COL22A1: variants seen among roughly 807,000 people sequenced by gnomAD.
The protein encoded by COL22A1 is collagen alpha-1(XXII) chain.
A neutral mutation model predicts 248.9 loss-of-function variants in COL22A1; 221 were observed. The observed-to-expected ratio is 0.89, with a 90% CI of 0.80 to 0.99. COL22A1 has a LOEUF of 0.99. COL22A1 is among the 50% of genes least tolerant of loss of function. COL22A1 has a pLI of 0.00. For synonymous variants in COL22A1, 891 were observed against 793.4 expected, an observed-to-expected ratio of 1.12 and a Z score of -2.07; for missense variants, 2,240 against 2,179.0, an observed-to-expected ratio of 1.03 and a Z score of -0.56.
intron 31 of COL22A1, among the ~76,000 whole-genome samples, chr8:138,702,347 G>A (rs182928208): frequency 2.8e-4 from 43 of 152,316 alleles, no homozygotes; most frequent in Middle Eastern, 3.4e-3. Context: ...TCATTTTGAT[G>A]AGCATTGCTG....
intron 3 of COL22A1, among the ~76,000 whole-genome samples, chr8:138,869,436 A>G (rs1228519323): frequency 6.6e-6 from 1 of 152,136 alleles, no homozygotes; most frequent in Admixed American, 6.5e-5. Flanking sequence ...CTGACAGTGA[A>G]GTGTTTGTGT....
At chr8:138,718,321 G>A (rs952864269) in intron 27 of COL22A1, among the ~76,000 whole-genome samples, 4 of 152,114 alleles carry the variant, frequency 2.6e-5, no homozygotes, top group Non-Finnish European at 5.9e-5. Flanking sequence ...CACTCAAATT[G>A]TTGCTTTCAA....
chr8:138,616,377 ACCTGTGCTTGCT>A (rs1819323517), intron 54 of COL22A1, among the ~76,000 whole-genome samples: 1 of 152,074 alleles, frequency 6.6e-6, no homozygotes, highest in African/African-American at 2.4e-5. Flanking sequence ...CCCTCTCTAC[ACCTGTGCTTGCT>A]CCTTGGTATC....
At chr8:138,638,441 G>C (rs1292837408) in intron 47 of COL22A1, among the ~76,000 whole-genome samples, 1 of 151,968 alleles carries the variant, frequency 6.6e-6, no homozygotes, top group Non-Finnish European at 1.5e-5. Flanking sequence ...GGTCCTTCAG[G>C]GGGTCCAGTG....
intron 60 of COL22A1, among the ~76,000 whole-genome samples, chr8:138,601,229 C>T (rs1817980513): frequency 6.6e-6 from 1 of 151,938 alleles, no homozygotes; most frequent in African/African-American, 2.4e-5. Context: ...GGCTCCATCG[C>T]TCAGGAACCA....
intron 48 of COL22A1, among the ~76,000 whole-genome samples, 173 bp from the exon 49 acceptor site, chr8:138,635,236 TGACAACATTTATA>T (rs1821046885): frequency 6.6e-6 from 1 of 152,186 alleles, no homozygotes; most frequent in African/African-American, 2.4e-5. Flanking sequence ...CAATAATAAC[TGACAACATTTATA>T]AAAACAAACA....
chr8:138,636,778 A>G lies in COL22A1; in HGVS notation c.3519T>C (p.Arg1173=). 1 of 1,613,564 alleles carries G rather than the reference A, an allele frequency of 6.2e-7. No homozygotes were observed. Among genetic ancestry groups the G allele is most frequent in the Non-Finnish European group, 8.5e-7 (1 of 1,179,576 alleles). ...IAGPQGSQGE[R]GADGEVGQKG... is the part of the protein sequence containing the mutation. The stretch of plus-strand genomic sequence containing the variant: ...TCTGCCCAACCTCACCATCTGCACC[A>G]CGTTCTCCTTGACTTCCCTTGAAAG... The change falls in exon 48 of 65, where the codon CGT becomes CGC. Residue 1173 remains arginine (R), a synonymous_variant. Coordinates refer to ENST00000303045, the MANE Select transcript of COL22A1 (RefSeq NM_152888.3).
chr8:138,692,285 T>G (rs1460001270), intron 35 of COL22A1, among the ~76,000 whole-genome samples: 1 of 145,710 alleles, frequency 6.9e-6, no homozygotes, highest in Non-Finnish European at 1.5e-5. Context: ...TGCACATGCA[T>G]GTGTGCATGT....
At chr8:138,905,102 T>A (rs964219401) in intron 1 of COL22A1, among the ~76,000 whole-genome samples, 5 of 152,232 alleles carry the variant, frequency 3.3e-5, no homozygotes, top group African/African-American at 1.2e-4. Flanking sequence ...ACAGCTAGAT[T>A]AGATACATGA....
intron 39 of COL22A1, among the ~76,000 whole-genome samples, chr8:138,684,009 C>G (rs1187010635): frequency 6.6e-6 from 1 of 152,122 alleles, no homozygotes; most frequent in Non-Finnish European, 1.5e-5. Flanking sequence ...CACCTGTAAT[C>G]CCAGCACTTT....
chr8:138,751,606 G>A (rs1379189330), intron 21 of COL22A1, 95 bp from the exon 22 acceptor site: 2 of 835,254 alleles, frequency 2.4e-6, no homozygotes, highest in Admixed American at 5.0e-5. Context: ...CACCCTCATT[G>A]AATAGTGTAA....
At chr8:138,611,142 C>T (rs1587668668) in intron 56 of COL22A1, among the ~76,000 whole-genome samples, 1 of 152,288 alleles carries the variant, frequency 6.6e-6, no homozygotes, top group African/African-American at 2.4e-5. Context: ...TGATCGCTGC[C>T]CTATGCCAAG....
At chr8:138,742,318 G>C (rs1831660442) in intron 22 of COL22A1, among the ~76,000 whole-genome samples, 1 of 152,008 alleles carries the variant, frequency 6.6e-6, no homozygotes, top group Non-Finnish European at 1.5e-5. Context: ...TGGTGATGGT[G>C]GAGTTGATGG....
chr8:138,594,318 G>A, intron 62 of COL22A1, 119 bp from the exon 63 acceptor site: 1 of 776,000 alleles, frequency 1.3e-6, no homozygotes, highest in Non-Finnish European at 1.9e-6. Context: ...AACGGACATA[G>A]GACAGGATGG....
intron 44 of COL22A1, among the ~76,000 whole-genome samples, chr8:138,659,581 C>A (rs560526438): frequency 6.6e-6 from 1 of 152,192 alleles, no homozygotes; most frequent in Non-Finnish European, 1.5e-5. Context: ...TCTCTCCATC[C>A]GCACAGCTGC....
intron 3 of COL22A1, among the ~76,000 whole-genome samples, chr8:138,857,288 C>A (rs1253255471): frequency 6.6e-6 from 1 of 152,208 alleles, no homozygotes; most frequent in African/African-American, 2.4e-5. Flanking sequence ...GCTCTGCCCC[C>A]ACAGGCCCTA....
In COL22A1 at chr8:138,634,862, C is replaced by A. The variant is rs1821015861; in HGVS notation, c.3609+148G>T. 8.8e-6 allele frequency: 6 copies of A among 681,514 alleles called. No individual in the cohort carries two copies. The South Asian group carries it at 1.0e-4, about 12-fold the overall frequency. The allele number at this position is 681,514 out of a possible 1,614,324, so 42.2% of individuals were successfully genotyped here. On this transcript the variant is annotated intron_variant, in intron 49 of 64. Transcript: ENST00000303045. ...TTCCCCCACATGCCTGTGGGACTTG[C>A]ATTTTTAGGACAACTCTGTCACCTT...
chr8:138,713,536 T>TA (rs1253402377), intron 30 of COL22A1, among the ~76,000 whole-genome samples: 1 of 152,176 alleles, frequency 6.6e-6, no homozygotes, highest in African/African-American at 2.4e-5. Flanking sequence ...TTCAGACAAA[T>TA]AGGCCCGTGG....
intron 45 of COL22A1, among the ~76,000 whole-genome samples, chr8:138,653,111 G>A (rs1200236127): frequency 1.3e-5 from 2 of 152,098 alleles, no homozygotes; most frequent in African/African-American, 2.4e-5. Context: ...TACTTTGTGT[G>A]GTTTGAAGTA....
Sources: gnomAD v4.1 joint callset for allele counts (sites outside exome capture counted in the v4.1 genomes callset) on GRCh38, gnomAD v4.1.1 for gene constraint, MANE v1.5 for transcripts, NCBI Gene and HGNC (gene_info 2026-07-23, HGNC 2026-07-21) for gene names.